The following TMOD3 variants were observed in gnomAD, a reference collection of about 807,000 sequenced individuals.
TMOD3 encodes the protein tropomodulin 3, also known as tropomodulin-3.
A neutral mutation model predicts 39.2 loss-of-function variants in TMOD3; 20 were observed. That is an observed-to-expected ratio of 0.51 (90% CI 0.36 to 0.74). TMOD3 has a LOEUF of 0.74. Among genes scored for constraint, TMOD3 ranks in the 30% least tolerant of loss-of-function variants. TMOD3 has a pLI of 0.00. For synonymous variants in TMOD3, 143 were observed against 145.8 expected, an observed-to-expected ratio of 0.98 and a Z score of 0.14; for missense variants, 381 against 412.8, an observed-to-expected ratio of 0.92 and a Z score of 0.67.
chr15:51,878,087 T>C (rs569084889), intron 3 of TMOD3, among the ~76,000 whole-genome samples: 14 of 152,360 alleles, frequency 9.2e-5, no homozygotes, highest in African/African-American at 3.4e-4. Context: ...CAGCTCAGCA[T>C]TCACCAGGCT....
intron 1 of TMOD3, among the ~76,000 whole-genome samples, chr15:51,862,009 G>T (rs188520511): frequency 5.8e-4 from 89 of 152,250 alleles, no homozygotes; most frequent in African/African-American, 2.1e-3. Flanking sequence ...GAAATCCTTG[G>T]TTTCGCCTTT....
At chr15:51,888,617 C>G (rs2056577378) in intron 4 of TMOD3, among the ~76,000 whole-genome samples, 1 of 152,174 alleles carries the variant, frequency 6.6e-6, no homozygotes, top group African/African-American at 2.4e-5. Flanking sequence ...CTACTCTTAA[C>G]TACAGTCCAA....
chr15:51,907,501 A>G (rs2056688089), intron 9 of TMOD3, among the ~76,000 whole-genome samples: 1 of 152,220 alleles, frequency 6.6e-6, no homozygotes, highest in African/African-American at 2.4e-5. Context: ...AAGGCCGACA[A>G]ACAGAAGTCA....
rs1595895479 is a variant in TMOD3, at chr15:51,860,086, G to A, written c.-74-2725G>A. 3 of 506,660 alleles carry A rather than the reference G, an allele frequency of 5.9e-6. No homozygotes were observed. In the East Asian group the frequency reaches 1.6e-4, roughly 27 times the overall value. 31.4% of individuals were successfully genotyped at this position (506,660 alleles called of 1,614,324 possible). A position where few individuals can be genotyped will look rare whatever the true frequency, so the allele number is the denominator to read the frequency against. On this transcript the variant is annotated intron_variant, in intron 1 of 9. Coordinates refer to ENST00000308580, the MANE Select transcript of TMOD3 (RefSeq NM_014547.5). ...CCTCCTTCTGGCCCTCCTCTGCTTT[G>A]TCTTATTTCGTTGTAGGCTGTACGC...
At chr15:51,873,618 C>G (rs1190797800) in intron 3 of TMOD3, among the ~76,000 whole-genome samples, 1 of 152,108 alleles carries the variant, frequency 6.6e-6, no homozygotes, top group African/African-American at 2.4e-5. Context: ...TCATTCAGTT[C>G]CTTGAACTCT....
chr15:51,846,740 A>G (rs955853465), intron 1 of TMOD3, among the ~76,000 whole-genome samples: 8 of 152,232 alleles, frequency 5.3e-5, no homozygotes, highest in African/African-American at 1.9e-4. Context: ...GTTAACCAGC[A>G]GAGATAAAGA....
chr15:51,901,842 G>A, intron 8 of TMOD3, 50 bp from the exon 9 acceptor site: 1 of 1,568,062 alleles, frequency 6.4e-7, no homozygotes, highest in Non-Finnish European at 8.7e-7. Flanking sequence ...ACCTTGAAAA[G>A]TATTTTGATC....
chr15:51,886,267 C>T (rs1383190158), intron 3 of TMOD3, among the ~76,000 whole-genome samples: 2 of 152,270 alleles, frequency 1.3e-5, no homozygotes, highest in East Asian at 3.9e-4. Context: ...GACGGGGTGG[C>T]GGCCGGGCAG....
intron 7 of TMOD3, 81 bp from the exon 8 acceptor site, chr15:51,900,074 A>G: frequency 7.4e-7 from 1 of 1,346,382 alleles, no homozygotes; most frequent in Non-Finnish European, 1.0e-6. Context: ...CAGTTAATTA[A>G]TGTATTTATT....
chr15:51,840,398 T>G (rs1275881884), intron 1 of TMOD3, among the ~76,000 whole-genome samples: 1 of 152,208 alleles, frequency 6.6e-6, no homozygotes, highest in Non-Finnish European at 1.5e-5. Context: ...ATAATGACTA[T>G]TAGCTAACAT....
Position 51,896,493 on chromosome 15 carries a change from T to C in TMOD3, c.702T>C (p.Leu234=). ...ETNTHVKCFS[L]AATRSNDPVA... is the part of the protein sequence containing the mutation. ...ACACACATGTGAAATGTTTCAGTCT[T>C]GCAGCCACCCGGAGCAATGACCCTG... The change falls in exon 7 of 10, where the codon CTT becomes CTC. Residue 234 remains leucine, a synonymous_variant. Transcript: ENST00000308580. The C allele has an allele frequency of 6.2e-7, 1 of 1,613,856 alleles. No homozygotes were observed. The highest frequency in any genetic ancestry group is 8.5e-7 in the Non-Finnish European group (1 of 1,179,794).
chr15:51,868,486 G>A (rs2056458617), intron 2 of TMOD3, among the ~76,000 whole-genome samples: 1 of 151,962 alleles, frequency 6.6e-6, no homozygotes, highest in African/African-American at 2.4e-5. Flanking sequence ...TGCTTTATAT[G>A]TCCTTGTGTT....
At chr15:51,860,601 A>G in intron 1 of TMOD3, 1 of 552,724 alleles carries the variant, frequency 1.8e-6, no homozygotes, top group Non-Finnish European at 3.6e-6. Flanking sequence ...GGCAGAGAAT[A>G]CCTTGCTAAG....
At chr15:51,860,450 ATAAAGTTT>A (rs956863549) in intron 1 of TMOD3, 1 of 564,234 alleles carries the variant, frequency 1.8e-6, no homozygotes, top group African/African-American at 1.9e-5. Flanking sequence ...AGTAGTCTTG[ATAAAGTTT>A]TGGGCCCTCT....
chr15:51,881,963 C>G (rs915587200), intron 3 of TMOD3, among the ~76,000 whole-genome samples: 8 of 151,482 alleles, frequency 5.3e-5, no homozygotes, highest in African/African-American at 1.9e-4. Flanking sequence ...GGCGCAATCT[C>G]AGCTCACTGC....
intron 6 of TMOD3, 46 bp from the exon 7 acceptor site, chr15:51,896,373 A>T: frequency 7.4e-7 from 1 of 1,353,326 alleles, no homozygotes; most frequent in Non-Finnish European, 1.0e-6. Flanking sequence ...AACTAAATAT[A>T]ATGAAAATTG....
intron 9 of TMOD3, among the ~76,000 whole-genome samples, chr15:51,905,361 C>G (rs1223439856): frequency 6.6e-6 from 1 of 152,038 alleles, no homozygotes; most frequent in Non-Finnish European, 1.5e-5. Context: ...GTGGCAGGTA[C>G]CTGTAATCCT....
chr15:51,908,612 G>GTTT (rs543529390), intron 9 of TMOD3, among the ~76,000 whole-genome samples, 164 bp from the exon 10 acceptor site: 1 of 120,866 alleles, frequency 8.3e-6, no homozygotes, highest in Non-Finnish European at 1.8e-5. Flanking sequence ...GAAGTAGGTT[G>GTTT]TTTTTTTTTT....
At chr15:51,904,642 C>T (rs1036107794) in intron 9 of TMOD3, among the ~76,000 whole-genome samples, 13 of 152,158 alleles carry the variant, frequency 8.5e-5, no homozygotes, top group African/African-American at 2.7e-4. Context: ...ACGGCAGGGG[C>T]GCTGACCTTT....
Sources: allele counts gnomAD v4.1 joint callset (sites outside exome capture counted in the v4.1 genomes callset), GRCh38; gene constraint gnomAD v4.1.1; transcripts MANE v1.5; gene names NCBI Gene and HGNC (gene_info 2026-07-23, HGNC 2026-07-21).